UVSSA: variants seen among roughly 807,000 people sequenced by gnomAD.
The protein encoded by UVSSA is UV stimulated scaffold protein A, also known as UV-stimulated scaffold protein A.
In UVSSA, 72 loss-of-function variants were observed where a neutral mutation model predicts 73.9. That is an observed-to-expected ratio of 0.97 (90% CI 0.81 to 1.19). The LOEUF (loss-of-function observed/expected upper bound fraction) is 1.19, where lower values mean the gene tolerates loss of function less well. Ranked by LOEUF, UVSSA falls within the 50% of genes most tolerant of loss-of-function variation. The pLI, the probability that UVSSA is intolerant of heterozygous loss-of-function variation, is 0.00. For missense variants in UVSSA, 1,150 were observed against 965.0 expected, an observed-to-expected ratio of 1.19 and a Z score of -2.54; for synonymous variants, 454 against 391.3, an observed-to-expected ratio of 1.16 and a Z score of -1.89.
chr4:1,395,237 A>C lies in UVSSA; in HGVS notation c.*9276A>C. 3 of 1,463,782 alleles carry C rather than the reference A, an allele frequency of 2.0e-6. No homozygotes were observed. The South Asian group carries it at 3.8e-5, about 19-fold the overall frequency. The allele number at this position is 1,463,782 out of a possible 1,614,324, so 90.7% of individuals were successfully genotyped here. A position where few individuals can be genotyped will look rare whatever the true frequency, so the allele number is the denominator to read the frequency against. ...GCCGATGCGGAGTGCCCGCCTGCTC[A>C]CACGTGCCCATGTGGAGTGCCCGCC... On this transcript the variant is annotated 3_prime_UTR_variant, in exon 14 of 14. Coordinates refer to the UVSSA transcript ENST00000511216.
At chr4:1,352,970 AG>A (rs1018002456) in intron 4 of UVSSA, 59 bp from the exon 5 acceptor site, 1 of 1,548,546 alleles carries the variant, frequency 6.5e-7, no homozygotes, top group African/African-American at 1.4e-5. Flanking sequence ...TGTGGTTTTG[AG>A]TGGGCTGGTG....
chr4:1,364,748 C>T (rs1717090410), intron 7 of UVSSA, among the ~76,000 whole-genome samples: 1 of 152,030 alleles, frequency 6.6e-6, no homozygotes, highest in Non-Finnish European at 1.5e-5. Context: ...GGGGGCATCT[C>T]CACCCTGGGG....
At position 1,351,942 on chromosome 4, in the gene UVSSA, T is replaced by TG. The variant is rs1031633416; in HGVS notation, c.550+108dup. On this transcript the variant is annotated intron_variant, in intron 4 of 13. Transcript: ENST00000389851. ...CCCCAGCCGCAAGGAACCCAGGTTTTGAGACAGGCTAGGTGGAGAGGATTC... is the reference window on the plus strand; with the variant it reads ...CCCCAGCCGCAAGGAACCCAGGTTTTGGAGACAGGCTAGGTGGAGAGGATTC... 12 of 1,519,236 alleles carry TG rather than the reference T, an allele frequency of 7.9e-6. No homozygotes were observed. The African/African-American group carries it at 1.4e-4, about 18-fold the overall frequency. 94.1% of individuals were successfully genotyped at this position (1,519,236 alleles called of 1,614,324 possible).
chr4:1,348,200 GGGT>G lies in UVSSA; in HGVS notation c.98+12_98+14del. ...GAAGAAAATTTGCAAGTATGTCTTA[GGGT>G]TCAGTAACAGTAACTGACTGGCCCA... On this transcript the variant is annotated intron_variant, in intron 2 of 13. Coordinates refer to ENST00000389851, the MANE Select transcript of UVSSA (RefSeq NM_020894.4). The G allele has an allele frequency of 4.4e-6, 7 of 1,603,352 alleles. No individual in the cohort carries two copies. Among genetic ancestry groups the G allele is most frequent in the Non-Finnish European group, 6.0e-6 (7 of 1,171,152 alleles).
At chr4:1,368,608 G>C (rs1299866249) in intron 8 of UVSSA, among the ~76,000 whole-genome samples, 1 of 152,248 alleles carries the variant, frequency 6.6e-6, no homozygotes, top group African/African-American at 2.4e-5. Context: ...CCCCTGCCGG[G>C]TGTGCTGGGA....
intron 2 of UVSSA, among the ~76,000 whole-genome samples, chr4:1,348,983 T>TTTGTGCCGGGCGGTGTGCG (rs1205152327): frequency 8.6e-5 from 13 of 151,206 alleles, no homozygotes; most frequent in African/African-American, 2.2e-4. Flanking sequence ...GCGGTGTGTG[T>TTTGTGCCGGGCGGTGTGCG]TTGTGCCGGG....
At chr4:1,379,381 C>T (rs181839722) in intron 10 of UVSSA, among the ~76,000 whole-genome samples, 3 of 152,354 alleles carry the variant, frequency 2.0e-5, no homozygotes, top group Non-Finnish European at 4.4e-5. Flanking sequence ...GGCCGGCCTC[C>T]TCTTGGCCGG....
At chr4:1,351,181 T>A (rs1714672798) in intron 3 of UVSSA, among the ~76,000 whole-genome samples, 2 of 151,786 alleles carry the variant, frequency 1.3e-5, no homozygotes, top group Non-Finnish European at 2.9e-5. Context: ...TTCTCCTGCC[T>A]CAGCCTCCCA....
intron 3 of UVSSA, among the ~76,000 whole-genome samples, chr4:1,350,061 C>G (rs1267007349): frequency 1.3e-5 from 2 of 152,194 alleles, no homozygotes; most frequent in African/African-American, 4.8e-5. Flanking sequence ...AGGGGCGGCG[C>G]AGCTCTGAGA....
intron 13 of UVSSA, 48 bp from the exon 14 acceptor site, chr4:1,385,820 C>T: frequency 6.3e-7 from 1 of 1,597,840 alleles, no homozygotes. Flanking sequence ...GGAGCCCAGG[C>T]CCCTGGCGGA....
intron 9 of UVSSA, 57 bp downstream of exon 9, chr4:1,375,565 C>T: frequency 5.1e-6 from 8 of 1,573,910 alleles, no homozygotes; most frequent in Non-Finnish European, 6.9e-6. Flanking sequence ...ACAGCCTCTG[C>T]CCAGAGCACT....
exon 14 of UVSSA, chr4:1,393,611 T>TAGGATA (rs1366249227): frequency 6.6e-6 from 1 of 151,298 alleles, no homozygotes; most frequent in Non-Finnish European, 1.5e-5. Flanking sequence ...GATAGATAGA[T>TAGGATA]AGATAGGATA....
chr4:1,381,933 G>A (rs180844763), intron 12 of UVSSA, among the ~76,000 whole-genome samples: 8 of 152,252 alleles, frequency 5.3e-5, no homozygotes, highest in Admixed American at 5.2e-4. Context: ...AAAATGCTGG[G>A]ATTACAGATG....
chr4:1,383,738 T>C, intron 12 of UVSSA, 28 bp from the exon 13 acceptor site: 4 of 1,612,050 alleles, frequency 2.5e-6, no homozygotes, highest in Non-Finnish European at 3.4e-6. Flanking sequence ...GCCAGACGTC[T>C]CCTGAAGTGC....
rs142916158 is a variant in UVSSA at position 1,376,145 on chromosome 4, C to T, written c.1545C>T (p.Leu515=). The T allele has an allele frequency of 1.9e-4, 300 of 1,610,324 alleles. No individual in the cohort carries two copies. Among genetic ancestry groups the T allele is most frequent in the Non-Finnish European group, 2.1e-4 (252 of 1,178,680 alleles). The stretch of plus-strand genomic sequence containing the variant: ...ACCTGCACTACTGGGGCCAGGAGCT[C>T]CCCACAGCCGGGAAGATTGTCAAGT... ...GVDLHYWGQE[L]PTAGKIVKSD... is the part of the protein sequence containing the mutation. Residue 515 remains leucine, a synonymous_variant, in exon 10 of 14, where the codon CTC becomes CTT. Transcript: ENST00000389851.
At position 1,385,865 on chromosome 4, in the gene UVSSA, C is replaced by G; in HGVS notation, c.2037-3C>G. 1 of 1,614,022 alleles carries G rather than the reference C, an allele frequency of 6.2e-7. No homozygotes were observed. Among genetic ancestry groups the G allele is most frequent in the Non-Finnish European group, 8.5e-7 (1 of 1,179,988 alleles). On this transcript the variant is annotated splice_polypyrimidine_tract_variant and splice_region_variant and intron_variant, in intron 13 of 13. Transcript: ENST00000389851. Reference sequence around the variant, plus strand: ...GGTCACATCTTGCCTTGTTTCCCCACAGGGCAGCTGTGCGGAGGGTAGTGG... The same window carrying G: ...GGTCACATCTTGCCTTGTTTCCCCAGAGGGCAGCTGTGCGGAGGGTAGTGG...
At chr4:1,363,526 C>T (rs1449240913) in intron 7 of UVSSA, among the ~76,000 whole-genome samples, 1 of 152,116 alleles carries the variant, frequency 6.6e-6, no homozygotes, top group Admixed American at 6.5e-5. Context: ...ATTGTAGCAC[C>T]CGGTCCACAT....
chr4:1,371,942 G>A (rs1490130518), intron 8 of UVSSA, among the ~76,000 whole-genome samples: 3 of 152,168 alleles, frequency 2.0e-5, no homozygotes, highest in Admixed American at 1.3e-4. Context: ...AAGAGGGTTC[G>A]CCGAAGTCCC....
chr4:1,382,789 G>A (rs538144157), intron 12 of UVSSA, among the ~76,000 whole-genome samples: 16 of 152,330 alleles, frequency 1.1e-4, no homozygotes, highest in African/African-American at 3.4e-4. Flanking sequence ...GCATTCCTCC[G>A]GGGATGTGCC....
Sources: gnomAD v4.1 joint callset for allele counts (sites outside exome capture counted in the v4.1 genomes callset) on GRCh38, gnomAD v4.1.1 for gene constraint, MANE v1.5 for transcripts, NCBI Gene and HGNC (gene_info 2026-07-23, HGNC 2026-07-21) for gene names.